SRL: variants seen among roughly 807,000 people sequenced by gnomAD.
SRL encodes sarcalumenin.
Under a neutral mutation model 39.5 loss-of-function variants are expected in SRL, and 23 were observed. The observed-to-expected ratio is 0.58, with a 90% CI of 0.42 to 0.82. The LOEUF (loss-of-function observed/expected upper bound fraction) is 0.82. Among genes scored for constraint, SRL ranks in the 40% least tolerant of loss-of-function variants. The pLI is 0.00. For missense variants in SRL, 592 were observed against 607.8 expected, an observed-to-expected ratio of 0.97 and a Z score of 0.27; for synonymous variants, 272 against 237.4, an observed-to-expected ratio of 1.15 and a Z score of -1.34.
At chr16:4,193,096 C>G in intron 5 of SRL, 132 bp from the exon 6 acceptor site, 1 of 759,608 alleles carries the variant, frequency 1.3e-6, no homozygotes, top group Non-Finnish European at 2.1e-6. Flanking sequence ...TTTCTACAGA[C>G]TATTAAAAAA....
At chr16:4,211,313 G>GT (rs1016584662) in intron 1 of SRL, among the ~76,000 whole-genome samples, 1 of 119,948 alleles carries the variant, frequency 8.3e-6, no homozygotes, top group African/African-American at 3.5e-5. Context: ...CTCCCACGTT[G>GT]GGGGGGGTCT....
intron 1 of SRL, among the ~76,000 whole-genome samples, chr16:4,235,981 G>A (rs1019421855): frequency 5.3e-5 from 8 of 151,532 alleles, no homozygotes; most frequent in Non-Finnish European, 8.8e-5. Flanking sequence ...AGGCTGAGGT[G>A]GGAGGATTGC....
chr16:4,207,029 C>A (rs9932288), intron 1 of SRL: 1 of 453,292 alleles, frequency 2.2e-6, no homozygotes, highest in Non-Finnish European at 4.4e-6. Context: ...CCCCGCCTTC[C>A]TGGGACTCCT....
At chr16:4,201,886 C>A (rs941226238) in intron 3 of SRL, among the ~76,000 whole-genome samples, 2 of 151,510 alleles carry the variant, frequency 1.3e-5, no homozygotes, top group South Asian at 4.2e-4. Flanking sequence ...GAACTCCTGA[C>A]CTCATGATCT....
rs71394664 is a variant in SRL, at chr16:4,220,278, A to AACACAC, written c.62-15650_62-15645dup. Among the ~76,000 whole-genome samples, 881 of 140,770 alleles carry AACACAC rather than the reference A, an allele frequency of 6.3e-3. 9 individuals carry two copies. The highest frequency in any genetic ancestry group is 7.9e-3 in the Admixed American group (110 of 13,996). The allele number at this position is 140,770 out of a possible 152,430, so 92.4% of individuals were successfully genotyped here. On this transcript the variant is annotated intron_variant, in intron 1 of 5. Transcript: ENST00000399609. ...CATAGCGAAAATCTGTCTCTACTAA[A>AACACAC]ACACACACACACACACACACACACA...
At chr16:4,216,048 G>T (rs759008551) in intron 1 of SRL, among the ~76,000 whole-genome samples, 8 of 151,866 alleles carry the variant, frequency 5.3e-5, no homozygotes, top group Non-Finnish European at 1.2e-4. Context: ...AAAAAAAAAG[G>T]ATTAAGACTT....
At chr16:4,239,866 G>A (rs1024969844) in intron 1 of SRL, 2 of 152,356 alleles carry the variant, frequency 1.3e-5, no homozygotes, top group Non-Finnish European at 2.9e-5. Context: ...CCCAAGCCAG[G>A]ACTCCCAAAG....
chr16:4,197,188 C>T (rs1413252058), intron 4 of SRL, among the ~76,000 whole-genome samples: 2 of 149,298 alleles, frequency 1.3e-5, no homozygotes, highest in Admixed American at 6.7e-5. Flanking sequence ...GCTGCCTCAG[C>T]CTCCCAAGTA....
chr16:4,211,135 T>A (rs545465216), intron 1 of SRL, among the ~76,000 whole-genome samples: 2 of 151,380 alleles, frequency 1.3e-5, no homozygotes, highest in Non-Finnish European at 2.9e-5. Flanking sequence ...ATTTAAATAA[T>A]CCAGGGTATA....
Position 4,192,820 on chromosome 16 carries a change from A to G in SRL, c.755T>C (p.Ile252Thr). Reference sequence around the variant, plus strand: ...CAGATTGTCAGCCTTGTTCAGGATGATCCTTATCTGGGATTCACGCCCCTT... The same window carrying G: ...CAGATTGTCAGCCTTGTTCAGGATGGTCCTTATCTGGGATTCACGCCCCTT... ...QLKGRESQIR[I>T]ILNKADNLAT... Residue 252 changes from isoleucine to threonine, a missense_variant, in exon 6 of 6, where the codon ATC becomes ACC. Ile to Thr is a moderately conservative substitution (Grantham distance 89). Transcript: ENST00000399609. This position sits in a 1 kb window ranked among gnomAD's most constrained non-coding sequence, Gnocchi z 4.0. 6.2e-7 allele frequency: 1 copy of G among 1,614,094 alleles called. No homozygotes were observed.
intron 1 of SRL, among the ~76,000 whole-genome samples, chr16:4,228,674 G>T (rs1255226356): frequency 2.0e-5 from 3 of 152,002 alleles, no homozygotes; most frequent in African/African-American, 7.3e-5. Context: ...GGCGGAGCTT[G>T]CAGTGAGCCA....
In SRL at chr16:4,192,414, CT is replaced by C; in HGVS notation, c.1160del (p.Lys387ArgfsTer107). ...GAAGGTCAAATTTGCTGACATTGGT[CT>C]TTGCCAGGATGGTCTTGAAGATGTA... is the stretch of plus-strand genomic sequence containing the variant. ...KFYIFKTILA[K>X]TNVSKFDLPN... On this transcript the variant is annotated frameshift_variant, in exon 6 of 6. Transcript: ENST00000399609. LOFTEE classifies it high-confidence loss of function. This position sits in a 1 kb window ranked among gnomAD's most constrained non-coding sequence, Gnocchi z 4.0. 6.2e-7 allele frequency: 1 copy of C among 1,614,192 alleles called. No homozygotes were observed. The highest frequency in any genetic ancestry group is 1.1e-5 in the South Asian group (1 of 91,076).
At chr16:4,233,014 C>T (rs1343416023) in intron 1 of SRL, among the ~76,000 whole-genome samples, 1 of 152,222 alleles carries the variant, frequency 6.6e-6, no homozygotes, top group African/African-American at 2.4e-5. Flanking sequence ...TTTGTCTGCA[C>T]CTGTTTGAGC....
At chr16:4,223,284 G>A (rs965226587) in intron 1 of SRL, among the ~76,000 whole-genome samples, 2 of 149,996 alleles carry the variant, frequency 1.3e-5, no homozygotes, top group Non-Finnish European at 3.0e-5. Flanking sequence ...GGGGCTCGAT[G>A]ATTGAAAAAA....
At chr16:4,213,731 C>T (rs1027949463) in intron 1 of SRL, among the ~76,000 whole-genome samples, 3 of 152,188 alleles carry the variant, frequency 2.0e-5, no homozygotes, top group Non-Finnish European at 2.9e-5. Context: ...TGCCAGTCCA[C>T]ACGTGCCAGG....
At chr16:4,228,539 T>C (rs547664229) in intron 1 of SRL, among the ~76,000 whole-genome samples, 29 of 151,570 alleles carry the variant, frequency 1.9e-4, no homozygotes, top group South Asian at 1.7e-3. Flanking sequence ...ATCGAGACCA[T>C]CCTGGCTAAC....
chr16:4,198,161 G>C (rs2052174856), intron 3 of SRL, among the ~76,000 whole-genome samples: 1 of 152,188 alleles, frequency 6.6e-6, no homozygotes, highest in Admixed American at 6.5e-5. Context: ...CCACAAGAAG[G>C]ATCTCAGTGA....
intron 1 of SRL, chr16:4,207,566 T>C (rs988703299): frequency 3.5e-5 from 16 of 454,132 alleles, no homozygotes; most frequent in Non-Finnish European, 6.7e-5. Flanking sequence ...CTGCTGTCCC[T>C]GCTACTGCTC....
Position 4,192,832 on chromosome 16 carries a change from G to T in SRL, c.743C>A (p.Ser248Tyr). 1 of 1,614,214 alleles carries T rather than the reference G, an allele frequency of 6.2e-7. No individual in the cohort carries two copies. The highest frequency in any genetic ancestry group is 1.1e-5 in the South Asian group (1 of 91,082). The stretch of plus-strand genomic sequence containing the variant: ...CTTGTTCAGGATGATCCTTATCTGG[G>T]ATTCACGCCCCTTCAACTGGCGGAA... ...MLFRQLKGRESQIRIILNKAD... is the reference protein window; with the variant it reads ...MLFRQLKGREYQIRIILNKAD... Residue 248 changes from serine (S) to tyrosine (Y), a missense_variant, in exon 6 of 6, where the codon TCC (serine) becomes TAC (tyrosine). Coordinates refer to ENST00000399609, the MANE Select transcript of SRL (RefSeq NM_001098814.2). This position sits in a 1 kb window ranked among gnomAD's most constrained non-coding sequence, Gnocchi z 4.0.
Sources: allele counts gnomAD v4.1 joint callset (sites outside exome capture counted in the v4.1 genomes callset), GRCh38; gene constraint gnomAD v4.1.1; non-coding constraint Gnocchi (gnomAD v3.1); transcripts MANE v1.5; gene names NCBI Gene and HGNC (gene_info 2026-07-23, HGNC 2026-07-21).